Variants in FUT8 observed in about 807,000 individuals in gnomAD.
The protein encoded by FUT8 is alpha-(1,6)-fucosyltransferase.
FUT8 carries 29 observed loss-of-function variants against 71.3 expected under a neutral mutation model. The observed-to-expected ratio is 0.41, with a 90% CI of 0.30 to 0.55. FUT8 has a LOEUF of 0.55. FUT8 is among the 20% of genes least tolerant of loss of function. FUT8 has a pLI of 0.34. For missense variants in FUT8, 544 were observed against 702.1 expected, an observed-to-expected ratio of 0.77 and a Z score of 2.55; for synonymous variants, 254 against 239.3, an observed-to-expected ratio of 1.06 and a Z score of -0.57.
intron 6 of FUT8, among the ~76,000 whole-genome samples, chr14:65,659,194 G>GT (rs148547545): frequency 0.027 from 4,056 of 149,526 alleles, 156 homozygotes; most frequent in African/African-American, 0.086. Flanking sequence ...TTTTTGTTTT[G>GT]TTTTTTTTTC....
chr14:65,464,767 C>T (rs949851694), intron 2 of FUT8, among the ~76,000 whole-genome samples: 20 of 152,058 alleles, frequency 1.3e-4, no homozygotes, highest in African/African-American at 4.6e-4. Flanking sequence ...CCTCTGTGTT[C>T]ATGAAAGATA....
intron 3 of FUT8, among the ~76,000 whole-genome samples, chr14:65,585,667 A>C (rs1191690854): frequency 6.6e-6 from 1 of 152,244 alleles, no homozygotes; most frequent in Non-Finnish European, 1.5e-5. Flanking sequence ...GAATAAAAAA[A>C]GTAAATATAA....
intron 3 of FUT8, among the ~76,000 whole-genome samples, chr14:65,605,651 G>A (rs748636326): frequency 6.6e-6 from 1 of 151,936 alleles, no homozygotes; most frequent in Non-Finnish European, 1.5e-5. Flanking sequence ...CTCCAGAACT[G>A]TGATAAAATA....
At chr14:65,564,514 T>C (rs1018493865) in intron 3 of FUT8, among the ~76,000 whole-genome samples, 1 of 152,018 alleles carries the variant, frequency 6.6e-6, no homozygotes, top group African/African-American at 2.4e-5. Flanking sequence ...TTGCAGTGTA[T>C]TTGTGTAAAT....
intron 2 of FUT8, among the ~76,000 whole-genome samples, chr14:65,512,389 C>G (rs1325796177): frequency 6.6e-6 from 1 of 152,088 alleles, no homozygotes; most frequent in Non-Finnish European, 1.5e-5. Flanking sequence ...AGGTCTTGAA[C>G]TCCTAGCCTC....
At chr14:65,611,885 T>A (rs1889020045) in intron 3 of FUT8, among the ~76,000 whole-genome samples, 1 of 152,218 alleles carries the variant, frequency 6.6e-6, no homozygotes, top group African/African-American at 2.4e-5. Context: ...GGTCTTGAAC[T>A]CCTGACCTCA....
At chr14:65,708,296 G>A (rs775507034) in intron 7 of FUT8, among the ~76,000 whole-genome samples, 4 of 151,998 alleles carry the variant, frequency 2.6e-5, no homozygotes, top group South Asian at 2.1e-4. Context: ...CTTTCCCTTC[G>A]CCTTCTTCCA....
chr14:65,733,318 A>G lies in FUT8; in HGVS notation c.1347A>G (p.Gly449=). Residue 449 remains glycine, a synonymous_variant, in exon 10 of 11, where the codon GGA becomes GGG. Coordinates refer to ENST00000673929, the MANE Select transcript of FUT8 (RefSeq NM_001371533.1). ...GATACACAGAAAATTCACTTCGTGG[A>G]GTGATCCTGGATATACATTTTCTCT... ...HNRYTENSLR[G]VILDIHFLSQ... is the part of the protein sequence containing the mutation. 2 of 1,611,140 alleles carry G rather than the reference A, an allele frequency of 1.2e-6. No individual in the cohort carries two copies. The highest frequency in any genetic ancestry group is 1.7e-6 in the Non-Finnish European group (2 of 1,178,140).
At chr14:65,435,228 T>C (rs1386195898) in intron 1 of FUT8, among the ~76,000 whole-genome samples, 1 of 152,264 alleles carries the variant, frequency 6.6e-6, no homozygotes, top group Non-Finnish European at 1.5e-5. Context: ...AAATACTATA[T>C]ACATCGTTGT....
intron 3 of FUT8, among the ~76,000 whole-genome samples, chr14:65,578,405 A>G (rs985703383): frequency 3.3e-5 from 5 of 152,194 alleles, no homozygotes; most frequent in Admixed American, 6.5e-5. Flanking sequence ...GTATTTCAGT[A>G]TGAAGATTTA....
chr14:65,496,776 T>A (rs2066566250), intron 2 of FUT8, among the ~76,000 whole-genome samples: 2 of 152,200 alleles, frequency 1.3e-5, no homozygotes, highest in Non-Finnish European at 2.9e-5. Flanking sequence ...ATTTTCTTGG[T>A]ATGACTCAGG....
rs770322433 is a variant in FUT8 at position 65,638,514 on chromosome 14, AT to A, written c.597+8916del. 6.6e-6 allele frequency among the ~76,000 whole-genome samples: 1 copy of A among 151,806 alleles called. No individual in the cohort carries two copies. Among genetic ancestry groups the A allele is most frequent in the East Asian group, 1.9e-4 (1 of 5,188 alleles). ...TTTCACTTTTTAAATGAGGATAGGG[AT>A]TTTTTTTCATTCAAAAATAAGTTTT... On this transcript the variant is annotated intron_variant, in intron 6 of 10. Transcript: ENST00000673929. This position sits in a 1 kb window ranked among gnomAD's most constrained non-coding sequence, Gnocchi z 4.5.
At chr14:65,572,864 C>T (rs777324850) in intron 3 of FUT8, among the ~76,000 whole-genome samples, 16 of 152,136 alleles carry the variant, frequency 1.1e-4, no homozygotes, top group Non-Finnish European at 2.2e-4. Flanking sequence ...TTCAGCACCT[C>T]TCTTACAGTA....
intron 6 of FUT8, among the ~76,000 whole-genome samples, chr14:65,654,665 T>C (rs1001379992): frequency 6.6e-6 from 1 of 152,190 alleles, no homozygotes; most frequent in Middle Eastern, 3.4e-3. Context: ...ACCATTTCTG[T>C]AGTTCCTTAA....
intron 7 of FUT8, among the ~76,000 whole-genome samples, chr14:65,678,833 A>C (rs1892893808): frequency 6.6e-6 from 1 of 152,210 alleles, no homozygotes; most frequent in Admixed American, 6.5e-5. Context: ...AATACATAAC[A>C]GTGAGGGCCT....
At chr14:65,365,750 G>T in the FUT8 span, among the ~76,000 whole-genome samples, 1 of 152,190 alleles carries the variant, frequency 6.6e-6, no homozygotes, top group Non-Finnish European at 1.5e-5. Context: ...TGTTTAGCAT[G>T]CAATCAATAA....
At chr14:65,714,051 G>T (rs563746363) in intron 7 of FUT8, among the ~76,000 whole-genome samples, 1 of 152,306 alleles carries the variant, frequency 6.6e-6, no homozygotes, top group South Asian at 2.1e-4. Flanking sequence ...TGTGTATATG[G>T]TGAGAGATAG....
the FUT8 span, among the ~76,000 whole-genome samples, chr14:65,370,717 C>T: frequency 6.6e-6 from 1 of 151,784 alleles, no homozygotes; most frequent in Non-Finnish European, 1.5e-5. Flanking sequence ...CTCTATTCTC[C>T]TAGGGTCTCC....
rs74058536 is a variant in FUT8, at chr14:65,615,827, C to T, written c.204-151C>T. On this transcript the variant is annotated intron_variant, in intron 3 of 10. Transcript: ENST00000673929. ...TCCATTTCACTGGTTAATCCTATAC[C>T]TTTGAAGAGAAAATTCCATTTGGTA... The T allele has an allele frequency of 1.9e-3, 1,129 of 585,028 alleles. 6 individuals are homozygous for T. The highest frequency in any genetic ancestry group is 0.019 in the African/African-American group (998 of 53,692). 36.2% of individuals were successfully genotyped at this position (585,028 alleles called of 1,614,324 possible).
Sources: gnomAD v4.1 joint callset for allele counts (sites outside exome capture counted in the v4.1 genomes callset) on GRCh38, gnomAD v4.1.1 for gene constraint, Gnocchi (gnomAD v3.1) non-coding constraint, MANE v1.5 for transcripts, NCBI Gene and HGNC (gene_info 2026-07-23, HGNC 2026-07-21) for gene names.